The following TNIP1 variants were observed in gnomAD, a reference collection of about 807,000 sequenced individuals.
TNIP1 encodes the protein TNFAIP3 interacting protein 1, also known as TNFAIP3-interacting protein 1.
TNIP1 carries 22 observed loss-of-function variants against 86.6 expected under a neutral mutation model. The ratio of observed to expected loss-of-function variants is 0.25; its 90% CI spans 0.18 to 0.36. The LOEUF (loss-of-function observed/expected upper bound fraction) is 0.36, where lower values mean the gene tolerates loss of function less well. TNIP1 is among the 10% of genes least tolerant of loss of function. The probability of loss-of-function intolerance (pLI) is 1.00; values close to 1 mark genes in which losing one functional copy is unlikely to be tolerated. For synonymous variants in TNIP1, 294 were observed against 313.0 expected, an observed-to-expected ratio of 0.94 and a Z score of 0.64; for missense variants, 709 against 820.6, an observed-to-expected ratio of 0.86 and a Z score of 1.66.
intron 12 of TNIP1, among the ~76,000 whole-genome samples, chr5:151,038,488 A>G (rs1408702329): frequency 6.6e-6 from 1 of 151,830 alleles, no homozygotes; most frequent in Admixed American, 6.6e-5. Flanking sequence ...GGACTAGACC[A>G]CTCCGCTTGG....
At position 151,030,533 on chromosome 5, in the gene TNIP1, A is replaced by G. The variant is rs1056924856; in HGVS notation, c.*180T>C. 7.7e-5 allele frequency: 71 copies of G among 919,350 alleles called. No homozygotes were observed. Among genetic ancestry groups the G allele is most frequent in the Non-Finnish European group, 1.1e-4 (67 of 610,684 alleles). The allele number at this position is 919,350 out of a possible 1,614,324, so 56.9% of individuals were successfully genotyped here. A position where few individuals can be genotyped will look rare whatever the true frequency, so the allele number is the denominator to read the frequency against. Reference sequence around the variant, plus strand: ...GTACAAATGAAAGCCTTCTGGGTGGAGCCTCCCCAGTCCTGTAAACAGCTC... The same window carrying G: ...GTACAAATGAAAGCCTTCTGGGTGGGGCCTCCCCAGTCCTGTAAACAGCTC... On this transcript the variant is annotated 3_prime_UTR_variant, in exon 18 of 18. Coordinates refer to ENST00000521591, the MANE Select transcript of TNIP1 (RefSeq NM_006058.5).
chr5:151,057,424 A>G (rs1250894198), intron 5 of TNIP1, among the ~76,000 whole-genome samples: 1 of 152,160 alleles, frequency 6.6e-6, no homozygotes, highest in Non-Finnish European at 1.5e-5. Flanking sequence ...CAGATCAAAA[A>G]TCTTCTAAAA....
chr5:151,086,588 TAC>T (rs927617144), intron 1 of TNIP1, among the ~76,000 whole-genome samples: 1 of 152,098 alleles, frequency 6.6e-6, no homozygotes, highest in Non-Finnish European at 1.5e-5. Context: ...TACACACAGA[TAC>T]ACACACAAAT....
At chr5:151,042,864 C>T in intron 10 of TNIP1, 32 bp downstream of exon 10, 1 of 1,612,512 alleles carries the variant, frequency 6.2e-7, no homozygotes, top group Non-Finnish European at 8.5e-7. Flanking sequence ...ACCAGGCATG[C>T]CCTGTGGGCG....
chr5:151,085,195 C>A (rs1423077238), upstream of TNIP1, among the ~76,000 whole-genome samples: 3 of 152,222 alleles, frequency 2.0e-5, no homozygotes, highest in African/African-American at 7.2e-5. Flanking sequence ...GGGCTTAAAT[C>A]ACAGCCCTGC....
intron 3 of TNIP1, 44 bp downstream of exon 3, chr5:151,063,569 T>G: frequency 1.9e-6 from 3 of 1,600,602 alleles, no homozygotes; most frequent in Non-Finnish European, 2.6e-6. Context: ...TTTGGGCAGT[T>G]TGGGGTACAG....
rs550318669 is a variant in TNIP1 at position 151,052,041 on chromosome 5, C to T, written c.722+124G>A. The T allele has an allele frequency of 3.9e-6, 3 of 771,032 alleles. No homozygotes were observed. In the East Asian group the frequency reaches 8.1e-5, roughly 21 times the overall value. The allele number at this position is 771,032 out of a possible 1,614,324, so 47.8% of individuals were successfully genotyped here. ...GAGAAGGATCAAGAGACGTAACCTCCAAATAGGGCTCTGGGCACAGGGCCT... is the reference window on the plus strand; with the variant it reads ...GAGAAGGATCAAGAGACGTAACCTCTAAATAGGGCTCTGGGCACAGGGCCT... On this transcript the variant is annotated intron_variant, in intron 7 of 17. Transcript: ENST00000521591.
intron 16 of TNIP1, among the ~76,000 whole-genome samples, chr5:151,033,124 T>C (rs1187221989): frequency 1.0e-4 from 2 of 19,270 alleles, no homozygotes; most frequent in Non-Finnish European, 1.8e-4. Flanking sequence ...TGAAATTCCA[T>C]CTCAAAAAAA....
chr5:151,042,797 G>A, intron 10 of TNIP1, 99 bp downstream of exon 10: 1 of 1,597,200 alleles, frequency 6.3e-7, no homozygotes. Context: ...GCCATACTGG[G>A]GCTCAGCGTG....
At chr5:151,042,339 G>T (rs1758532557) in intron 11 of TNIP1, among the ~76,000 whole-genome samples, 1 of 152,176 alleles carries the variant, frequency 6.6e-6, no homozygotes, top group South Asian at 2.1e-4. Flanking sequence ...AATGTGAAAA[G>T]CTGTAGTTAA....
In TNIP1 at chr5:151,033,813, T is replaced by C. The variant is rs1434297267; in HGVS notation, c.1588-14A>G. ...CTCTCCTGAGGCCTGCAAGAAAGGCTGACGTCTGGCTTTGGCCTGCAACAG... is the reference window on the plus strand; with the variant it reads ...CTCTCCTGAGGCCTGCAAGAAAGGCCGACGTCTGGCTTTGGCCTGCAACAG... On this transcript the variant is annotated splice_polypyrimidine_tract_variant and intron_variant, in intron 15 of 17. Coordinates refer to ENST00000521591, the MANE Select transcript of TNIP1 (RefSeq NM_006058.5). 2 of 1,372,040 alleles carry C rather than the reference T, an allele frequency of 1.5e-6. No homozygotes were observed. Among genetic ancestry groups the C allele is most frequent in the Admixed American group, 5.8e-5 (2 of 34,232 alleles). The allele number at this position is 1,372,040 out of a possible 1,614,324, so 85.0% of individuals were successfully genotyped here.
At chr5:151,037,306 C>T (rs1432998747) in intron 12 of TNIP1, 1 of 155,858 alleles carries the variant, frequency 6.4e-6, no homozygotes, top group Non-Finnish European at 1.4e-5. Flanking sequence ...GAAACCTCCC[C>T]TTCCCTGAAC....
At chr5:151,033,897 A>G (rs893395964) in intron 15 of TNIP1, 98 bp from the exon 16 acceptor site, 4 of 1,152,128 alleles carry the variant, frequency 3.5e-6, no homozygotes, top group South Asian at 2.4e-5. Context: ...TCTGAAGGCT[A>G]GCAGGCTGGG....
chr5:151,046,962 C>T (rs545839092), intron 8 of TNIP1, among the ~76,000 whole-genome samples: 59 of 152,316 alleles, frequency 3.9e-4, no homozygotes, highest in Non-Finnish European at 6.3e-4. Flanking sequence ...TCCATTACTA[C>T]AGTAATAACT....
chr5:151,059,866 T>C (rs62382338), intron 5 of TNIP1, among the ~76,000 whole-genome samples: 3,707 of 82,570 alleles, frequency 0.045, 187 homozygotes, highest in African/African-American at 0.13. Flanking sequence ...TGTGTGTGTG[T>C]GCGCGCGCGC....
chr5:151,050,370 A>G (rs998497811), intron 7 of TNIP1, among the ~76,000 whole-genome samples: 2 of 152,224 alleles, frequency 1.3e-5, no homozygotes, highest in Non-Finnish European at 2.9e-5. Flanking sequence ...TTAACACAGA[A>G]GGTGCAGGCT....
Position 151,042,676 on chromosome 5 carries a change from G to T in TNIP1, c.1003-5C>A. The stretch of plus-strand genomic sequence containing the variant: ...CTTCTGACGCAGCTCAGTGATCTGG[G>T]TTCAGAGGCAGAGAGGAGTGTGTGA... On this transcript the variant is annotated splice_polypyrimidine_tract_variant and splice_region_variant and intron_variant, in intron 10 of 17. Coordinates refer to ENST00000521591, the MANE Select transcript of TNIP1 (RefSeq NM_006058.5). The T allele has an allele frequency of 6.2e-7, 1 of 1,613,770 alleles. No homozygotes were observed. Among genetic ancestry groups the T allele is most frequent in the Non-Finnish European group, 8.5e-7 (1 of 1,180,018 alleles).
intron 11 of TNIP1, among the ~76,000 whole-genome samples, chr5:151,040,802 T>C (rs900103873): frequency 6.6e-6 from 1 of 152,096 alleles, no homozygotes; most frequent in Admixed American, 6.5e-5. Context: ...AGGTTGAAAA[T>C]GTCCATTTTT....
Position 151,049,861 on chromosome 5 carries a change from T to G in TNIP1, c.809A>C (p.Glu270Ala). 6.2e-7 allele frequency: 1 copy of G among 1,614,180 alleles called. No homozygotes were observed. The highest frequency in any genetic ancestry group is 8.5e-7 in the Non-Finnish European group (1 of 1,180,020). ...AGCCACTGCCTTCTTGCCTGTCCCT[T>G]CCATCTTCGGTGAGCCTGGCCGCCC... ...ASGRPGSPKM[E>A]GTGKKAVAGQ... The change falls in exon 8 of 18, where the codon GAA becomes GCA. Residue 270 changes from glutamate (E) to alanine (A), a missense_variant. Physicochemically the swap from Glu to Ala is moderately radical, Grantham distance 107 (BLOSUM62 -1). Coordinates refer to ENST00000521591, the MANE Select transcript of TNIP1 (RefSeq NM_006058.5).
Sources: allele counts gnomAD v4.1 joint callset (sites outside exome capture counted in the v4.1 genomes callset), GRCh38; gene constraint gnomAD v4.1.1; transcripts MANE v1.5; gene names NCBI Gene and HGNC (gene_info 2026-07-23, HGNC 2026-07-21).